C1orf21: variants seen among roughly 807,000 people sequenced by gnomAD.
C1orf21 encodes chromosome 1 open reading frame 21, also known as uncharacterized protein C1orf21.
C1orf21 carries 3 observed loss-of-function variants against 18.7 expected under a neutral mutation model. That is an observed-to-expected ratio of 0.16 (90% CI 0.07 to 0.42). The LOEUF (loss-of-function observed/expected upper bound fraction) is 0.42, where lower values mean the gene tolerates loss of function less well. C1orf21 is among the 10% of genes least tolerant of loss of function. The pLI is 0.99. For synonymous variants in C1orf21, 41 were observed against 46.4 expected, an observed-to-expected ratio of 0.88 and a Z score of 0.47; for missense variants, 104 against 143.6, an observed-to-expected ratio of 0.72 and a Z score of 1.41.
At chr1:184,463,072 G>A (rs1438383849) in intron 1 of C1orf21, among the ~76,000 whole-genome samples, 2 of 121,514 alleles carry the variant, frequency 1.6e-5, no homozygotes, top group Non-Finnish European at 3.2e-5. Flanking sequence ...ACACGAGCAA[G>A]ACTCCATCTC....
intron 3 of C1orf21, among the ~76,000 whole-genome samples, chr1:184,560,270 A>G (rs1157566011): frequency 1.3e-5 from 2 of 152,234 alleles, no homozygotes; most frequent in African/African-American, 4.8e-5. Context: ...TGCCTGTCAC[A>G]TTAGTACATA....
At chr1:184,590,622 A>G in intron 3 of C1orf21, 117 bp from the exon 4 acceptor site, 1 of 959,696 alleles carries the variant, frequency 1.0e-6, no homozygotes, top group Non-Finnish European at 1.6e-6. Flanking sequence ...TTGTGAGGTA[A>G]CCAGCCGTAG....
chr1:184,549,394 A>T (rs1658780431), intron 3 of C1orf21, among the ~76,000 whole-genome samples: 1 of 152,198 alleles, frequency 6.6e-6, no homozygotes, highest in Non-Finnish European at 1.5e-5. Context: ...AAATCTGTTT[A>T]TTTGCATTTG....
chr1:184,575,806 C>G (rs1659181331), intron 3 of C1orf21, among the ~76,000 whole-genome samples: 1 of 152,066 alleles, frequency 6.6e-6, no homozygotes, highest in Non-Finnish European at 1.5e-5. Context: ...AGAGACCCCC[C>G]AACCCCTTAA....
At chr1:184,526,186 T>C (rs1658373808) in intron 3 of C1orf21, among the ~76,000 whole-genome samples, 1 of 152,196 alleles carries the variant, frequency 6.6e-6, no homozygotes, top group African/African-American at 2.4e-5. Context: ...TTCTGAAATA[T>C]ATTTGCTTTC....
At chr1:184,478,100 C>T (rs1038449322) in intron 2 of C1orf21, among the ~76,000 whole-genome samples, 1 of 152,040 alleles carries the variant, frequency 6.6e-6, no homozygotes, top group Non-Finnish European at 1.5e-5. Context: ...CTTCAAAGAA[C>T]CAGCAGAATT....
intron 1 of C1orf21, among the ~76,000 whole-genome samples, chr1:184,422,061 A>T (rs1442193973): frequency 6.6e-6 from 1 of 152,208 alleles, no homozygotes; most frequent in Non-Finnish European, 1.5e-5. Context: ...CGTGGGGAGC[A>T]TTCTTGGAAG....
At chr1:184,566,918 A>C (rs766949173) in intron 3 of C1orf21, 5 of 516,026 alleles carry the variant, frequency 9.7e-6, no homozygotes, top group Non-Finnish European at 2.0e-5. Flanking sequence ...CCATCCTATA[A>C]TACCATCTCC....
At chr1:184,396,092 C>A in intron 1 of C1orf21, among the ~76,000 whole-genome samples, 1 of 152,228 alleles carries the variant, frequency 6.6e-6, no homozygotes, top group East Asian at 1.9e-4. Context: ...GGATTGATGT[C>A]GCTGGACTTT....
At chr1:184,553,974 A>C (rs531153543) in intron 3 of C1orf21, among the ~76,000 whole-genome samples, 17 of 152,332 alleles carry the variant, frequency 1.1e-4, no homozygotes, top group African/African-American at 3.6e-4. Flanking sequence ...AATAAATCAA[A>C]ACGTGAACCA....
At chr1:184,390,227 A>T (rs1297085324) in intron 1 of C1orf21, among the ~76,000 whole-genome samples, 2 of 152,190 alleles carry the variant, frequency 1.3e-5, no homozygotes, top group Non-Finnish European at 2.9e-5. Context: ...GGTATCTTAG[A>T]GTGTGGTCAC....
chr1:184,531,610 A>G (rs1348105161), intron 3 of C1orf21, among the ~76,000 whole-genome samples: 1 of 151,580 alleles, frequency 6.6e-6, no homozygotes, highest in African/African-American at 2.4e-5. Flanking sequence ...TTAGTTTTCC[A>G]TTTTTCTTTT....
At chr1:184,459,470 G>A (rs1336656279) in intron 1 of C1orf21, among the ~76,000 whole-genome samples, 1 of 152,142 alleles carries the variant, frequency 6.6e-6, no homozygotes, top group Non-Finnish European at 1.5e-5. Flanking sequence ...ATTTCCCACT[G>A]ACTAAATGGC....
chr1:184,393,136 C>G (rs1655999481), intron 1 of C1orf21, among the ~76,000 whole-genome samples: 1 of 152,118 alleles, frequency 6.6e-6, no homozygotes, highest in African/African-American at 2.4e-5. Context: ...CTTCTGCTTC[C>G]TATCCCACAC....
intron 1 of C1orf21, among the ~76,000 whole-genome samples, chr1:184,432,796 T>A (rs777166788): frequency 6.6e-6 from 1 of 152,228 alleles, no homozygotes; most frequent in Non-Finnish European, 1.5e-5. Flanking sequence ...ATGGAGAACA[T>A]GAGAGGCTTG....
chr1:184,393,306 C>T (rs1656001474), intron 1 of C1orf21, among the ~76,000 whole-genome samples: 1 of 152,170 alleles, frequency 6.6e-6, no homozygotes, highest in African/African-American at 2.4e-5. Context: ...CTCCCTTCTT[C>T]CCTCAGGGCC....
intron 3 of C1orf21, among the ~76,000 whole-genome samples, chr1:184,589,256 G>A (rs1353269473): frequency 1.3e-5 from 2 of 152,194 alleles, no homozygotes; most frequent in African/African-American, 4.8e-5. Context: ...AAGGAGAAAA[G>A]GACCAACTTG....
At chr1:184,540,654 C>T (rs1362617637) in intron 3 of C1orf21, among the ~76,000 whole-genome samples, 1 of 152,196 alleles carries the variant, frequency 6.6e-6, no homozygotes, top group Non-Finnish European at 1.5e-5. Flanking sequence ...TGGTCTTGAA[C>T]TCCTGACCTC....
intron 1 of C1orf21, among the ~76,000 whole-genome samples, chr1:184,430,231 A>G (rs1468609488): frequency 1.3e-5 from 2 of 151,956 alleles, no homozygotes; most frequent in Non-Finnish European, 2.9e-5. Context: ...GATCTGTGAT[A>G]CTGAGAATAT....
Sources: gnomAD v4.1 joint callset for allele counts (sites outside exome capture counted in the v4.1 genomes callset) on GRCh38, gnomAD v4.1.1 for gene constraint, MANE v1.5 for transcripts, NCBI Gene and HGNC (gene_info 2026-07-23, HGNC 2026-07-21) for gene names.